ELK3: variants seen among roughly 807,000 people sequenced by gnomAD.
ELK3 encodes ETS domain-containing protein Elk-3.
Under a neutral mutation model 28.9 loss-of-function variants are expected in ELK3, and 10 were observed. The ratio of observed to expected loss-of-function variants is 0.35; its 90% CI spans 0.21 to 0.59. The LOEUF (loss-of-function observed/expected upper bound fraction) is 0.59, where lower values mean the gene tolerates loss of function less well. ELK3 is among the 20% of genes least tolerant of loss of function. The pLI is 0.82. For missense variants in ELK3, 463 were observed against 517.3 expected (o/e 0.90, Z 1.02); for synonymous variants, 272 against 243.5 (o/e 1.12, Z -1.09).
chr12:96,249,852 C>T (rs773727343), intron 3 of ELK3, among the ~76,000 whole-genome samples: 1 of 122,728 alleles, frequency 8.1e-6, no homozygotes, highest in Admixed American at 8.3e-5. Context: ...GCAGAGGGCA[C>T]GACCAGGAGC....
Position 96,247,239 on chromosome 12 carries a change from G to A in ELK3, c.507G>A (p.Pro169=), listed in dbSNP as rs62638721. ...KAIKTEKLEE[P]PEDSPPVEEV... is the part of the protein sequence containing the mutation. ...TCAAGACGGAGAAGCTGGAGGAGCCGCCCGAAGACAGCCCCCCCGTGGAAG... is the reference window on the plus strand; with the variant it reads ...TCAAGACGGAGAAGCTGGAGGAGCCACCCGAAGACAGCCCCCCCGTGGAAG... Residue 169 remains proline, a synonymous_variant, in exon 3 of 5, where the codon CCG becomes CCA. Coordinates refer to ENST00000228741, the MANE Select transcript of ELK3 (RefSeq NM_005230.4). The surrounding 1 kb of genome is among the most constrained non-coding windows in gnomAD (Gnocchi z 5.5). The A allele has an allele frequency of 1.3e-5, 21 of 1,614,026 alleles. No individual in the cohort carries two copies. Among genetic ancestry groups the A allele is most frequent in the Admixed American group, 1.0e-4 (6 of 60,002 alleles).
In ELK3 at chr12:96,245,130, A is replaced by G. The variant is rs137950184; in HGVS notation, c.208-1810A>G. Among the ~76,000 whole-genome samples the G allele has an allele frequency of 9.2e-5, 14 of 152,206 alleles. 1 individual carries two copies. The highest frequency in any genetic ancestry group is 4.6e-4 in the Admixed American group (7 of 15,292). On this transcript the variant is annotated intron_variant, in intron 2 of 4. Transcript: ENST00000228741. The stretch of plus-strand genomic sequence containing the variant: ...CAGTGAGGTTTCTCCATGACTCTGT[A>G]TGAGATCTCCTGTGCTGAATGGGAC...
At chr12:96,217,786 A>C (rs1301599013) in intron 1 of ELK3, among the ~76,000 whole-genome samples, 1 of 151,870 alleles carries the variant, frequency 6.6e-6, no homozygotes, top group Non-Finnish European at 1.5e-5. Flanking sequence ...AAATACAAAA[A>C]AATTAGCTGG....
chr12:96,242,268 T>A (rs1285764109), intron 2 of ELK3, among the ~76,000 whole-genome samples: 1 of 152,022 alleles, frequency 6.6e-6, no homozygotes, highest in Non-Finnish European at 1.5e-5. Context: ...ACCTCAGGAG[T>A]CAGATTGCCT....
In ELK3 at chr12:96,248,256, C is replaced by T. The variant is rs148186873; in HGVS notation, c.1002+522C>T. ...AAGGGGCCACCCCAAACAGCTGCTT[C>T]GCTGAAAGCAGCACTACTCTGAGAA... On this transcript the variant is annotated intron_variant, in intron 3 of 4. Transcript: ENST00000228741. 2.3e-3 allele frequency among the ~76,000 whole-genome samples: 354 copies of T among 152,342 alleles called. 1 individual carries two copies. The highest frequency in any genetic ancestry group is 7.6e-3 in the African/African-American group (318 of 41,578).
chr12:96,200,197 A>G (rs949603649), intron 1 of ELK3, among the ~76,000 whole-genome samples: 2 of 148,696 alleles, frequency 1.3e-5, no homozygotes, highest in Non-Finnish European at 2.9e-5. Flanking sequence ...TGTGTTGGGA[A>G]CATCCATTAT....
At chr12:96,259,464 T>G (rs1951976965) in intron 3 of ELK3, among the ~76,000 whole-genome samples, 1 of 152,148 alleles carries the variant, frequency 6.6e-6, no homozygotes, top group African/African-American at 2.4e-5. Flanking sequence ...GAGAATCGCT[T>G]AAACCCAGGA....
At chr12:96,200,164 A>G (rs1951499645) in intron 1 of ELK3, among the ~76,000 whole-genome samples, 1 of 152,148 alleles carries the variant, frequency 6.6e-6, no homozygotes, top group Non-Finnish European at 1.5e-5. Flanking sequence ...TAGATCCATC[A>G]TCTCAAATGT....
intron 1 of ELK3, among the ~76,000 whole-genome samples, chr12:96,195,672 C>A (rs1951459450): frequency 6.6e-6 from 1 of 151,756 alleles, no homozygotes; most frequent in Admixed American, 6.6e-5. Context: ...GAAAAAAAAA[C>A]GAGTGTCGGG....
intron 1 of ELK3, among the ~76,000 whole-genome samples, chr12:96,207,827 A>G (rs1016864352): frequency 6.6e-6 from 1 of 152,262 alleles, no homozygotes; most frequent in African/African-American, 2.4e-5. Flanking sequence ...GAAAAGATGA[A>G]TAATGCAATT....
At chr12:96,201,189 T>C (rs1951505430) in intron 1 of ELK3, among the ~76,000 whole-genome samples, 1 of 152,200 alleles carries the variant, frequency 6.6e-6, no homozygotes. Flanking sequence ...CCTTTCTGTA[T>C]TACCTGATAT....
intron 1 of ELK3, among the ~76,000 whole-genome samples, chr12:96,207,256 T>C (rs1444201145): frequency 1.3e-5 from 2 of 152,234 alleles, no homozygotes; most frequent in Non-Finnish European, 2.9e-5. Context: ...TTAGAATCCC[T>C]CTGCATTTGG....
At chr12:96,253,208 C>T (rs966881294) in intron 3 of ELK3, among the ~76,000 whole-genome samples, 1 of 152,116 alleles carries the variant, frequency 6.6e-6, no homozygotes. Flanking sequence ...TGTGATGAGC[C>T]GAGATCACGC....
chr12:96,206,132 G>A (rs1000821865), intron 1 of ELK3, among the ~76,000 whole-genome samples: 2 of 152,018 alleles, frequency 1.3e-5, no homozygotes, highest in Non-Finnish European at 2.9e-5. Context: ...TCTTCCTTCA[G>A]CCTCTGCCAC....
Position 96,247,343 on chromosome 12 carries a change from C to T in ELK3, c.611C>T (p.Thr204Met), listed in dbSNP as rs118124881. ...VTRPVVSLPS[T>M]SEAAAASAFL... ...AGGCCGGTGGTGTCCCTGCCTTCCA[C>T]GTCAGAGGCTGCGGCGGCGTCCGCC... Residue 204 changes from threonine (T) to methionine (M), a missense_variant, in exon 3 of 5, where the codon ACG becomes ATG. Around this residue, in one of 2 missense-constraint regions of ELK3, gnomAD observed 408 missense variants for 414.8 expected, o/e 0.98. Coordinates refer to ENST00000228741, the MANE Select transcript of ELK3 (RefSeq NM_005230.4). This position sits in a 1 kb window ranked among gnomAD's most constrained non-coding sequence, Gnocchi z 5.5. 4,483 of 1,614,206 alleles carry T rather than the reference C, an allele frequency of 2.8e-3. 10 individuals are homozygous for T. The highest frequency in any genetic ancestry group is 3.4e-3 in the Non-Finnish European group (4,064 of 1,180,034).
intron 3 of ELK3, among the ~76,000 whole-genome samples, chr12:96,255,965 G>C (rs1272259184): frequency 6.6e-6 from 1 of 151,814 alleles, no homozygotes; most frequent in African/African-American, 2.4e-5. Flanking sequence ...TTAGTCCTCA[G>C]AAGTTAGCAA....
rs1344003462 is a variant in ELK3, at chr12:96,194,909, C to T, written c.-3+204C>T. The stretch of plus-strand genomic sequence containing the variant: ...GGGGCGCCGCGGATGCTCCTGCGCC[C>T]GCGTCGCTGCCACCGCCGTCGCCCG... On this transcript the variant is annotated intron_variant, in intron 1 of 4. Transcript: ENST00000228741. Among the ~76,000 whole-genome samples, 12 of 145,028 alleles carry T rather than the reference C, an allele frequency of 8.3e-5. No homozygotes were observed. In the East Asian group the frequency reaches 2.1e-3, roughly 25 times the overall value.
At chr12:96,206,568 C>T (rs891181243) in intron 1 of ELK3, among the ~76,000 whole-genome samples, 1 of 152,000 alleles carries the variant, frequency 6.6e-6, no homozygotes, top group East Asian at 1.9e-4. Flanking sequence ...TCCCAAAGTG[C>T]AGGGATGACA....
chr12:96,200,951 C>T (rs961087715), intron 1 of ELK3, among the ~76,000 whole-genome samples: 22 of 152,312 alleles, frequency 1.4e-4, no homozygotes, highest in Non-Finnish European at 2.5e-4. Context: ...GAGTGAGCCA[C>T]CATGCCTGGC....
Sources: allele counts gnomAD v4.1 joint callset (sites outside exome capture counted in the v4.1 genomes callset), GRCh38; gene constraint gnomAD v4.1.1; regional missense constraint gnomAD v4.1.1; non-coding constraint Gnocchi (gnomAD v3.1); transcripts MANE v1.5; gene names NCBI Gene and HGNC (gene_info 2026-07-23, HGNC 2026-07-21).